KCND2: variants seen among roughly 807,000 people sequenced by gnomAD.
The protein encoded by KCND2 is A-type voltage-gated potassium channel KCND2.
KCND2 carries 16 observed loss-of-function variants against 54.4 expected under a neutral mutation model. That is an observed-to-expected ratio of 0.29 (90% CI 0.20 to 0.45). The LOEUF (loss-of-function observed/expected upper bound fraction) is 0.45. Ranked by LOEUF, KCND2 falls within the 20% of genes least tolerant of loss-of-function variation. KCND2 has a pLI of 1.00. For missense variants in KCND2, 486 were observed against 824.2 expected (o/e 0.59, Z 5.02); for synonymous variants, 317 against 310.7 (o/e 1.02, Z -0.21).
intron 1 of KCND2, among the ~76,000 whole-genome samples, chr7:120,375,881 G>A (rs943961303): frequency 2.0e-5 from 3 of 151,748 alleles, no homozygotes; most frequent in Admixed American, 6.6e-5. Flanking sequence ...AATAAGATAT[G>A]TAGGGCTTTA....
At chr7:120,312,959 C>A (rs904031612) in intron 1 of KCND2, among the ~76,000 whole-genome samples, 1 of 152,168 alleles carries the variant, frequency 6.6e-6, no homozygotes, top group Admixed American at 6.5e-5. Context: ...CTAGCTCTGA[C>A]AGCATTACCC....
intron 1 of KCND2, among the ~76,000 whole-genome samples, chr7:120,590,185 A>G (rs532628162): frequency 6.6e-6 from 1 of 151,942 alleles, no homozygotes; most frequent in South Asian, 2.1e-4. Flanking sequence ...TGCCTGCCTA[A>G]TTTTTGTATT....
At chr7:120,543,876 TAAGAACCC>T (rs1441808547) in intron 1 of KCND2, among the ~76,000 whole-genome samples, 1 of 152,038 alleles carries the variant, frequency 6.6e-6, no homozygotes, top group Admixed American at 6.6e-5. Context: ...CCATTTCTGA[TAAGAACCC>T]AAATTTTCAG....
chr7:120,543,315 A>C (rs1361031331), intron 1 of KCND2, among the ~76,000 whole-genome samples: 1 of 151,526 alleles, frequency 6.6e-6, no homozygotes, highest in Non-Finnish European at 1.5e-5. Context: ...TCCCCAGCAG[A>C]GCATGCCTGT....
chr7:120,328,530 T>C lies in KCND2; in HGVS notation c.1115+52783T>C, dbSNP rs1584732463. On this transcript the variant is annotated intron_variant, in intron 1 of 5. Transcript: ENST00000331113. The stretch of plus-strand genomic sequence containing the variant: ...CCCATGTAAGCATGCTTAAGGACTA[T>C]ACTATGAATAGATGATGATGATGTG... Among the ~76,000 whole-genome samples, 8 of 152,282 alleles carry C rather than the reference T, an allele frequency of 5.3e-5. No homozygotes were observed. The South Asian group carries it at 1.7e-3, about 32-fold the overall frequency.
chr7:120,458,851 A>G (rs985560900), intron 1 of KCND2, among the ~76,000 whole-genome samples: 31 of 150,646 alleles, frequency 2.1e-4, no homozygotes, highest in African/African-American at 7.5e-4. Flanking sequence ...AATTATTATT[A>G]TTATATTATT....
intron 1 of KCND2, among the ~76,000 whole-genome samples, chr7:120,653,025 AGTG>A (rs1791757136): frequency 1.3e-5 from 2 of 151,928 alleles, no homozygotes; most frequent in Non-Finnish European, 2.9e-5. Flanking sequence ...TCCACTAAAC[AGTG>A]GTGTGTGTGT....
intron 1 of KCND2, among the ~76,000 whole-genome samples, chr7:120,306,594 A>T (rs2116305318): frequency 6.6e-6 from 1 of 152,180 alleles, no homozygotes; most frequent in Non-Finnish European, 1.5e-5. Flanking sequence ...TATGTTTGCA[A>T]AAATATCTCT....
At chr7:120,560,406 A>C (rs151013763) in intron 1 of KCND2, among the ~76,000 whole-genome samples, 22 of 152,332 alleles carry the variant, frequency 1.4e-4, no homozygotes, top group African/African-American at 5.0e-4. Context: ...CAATGAAATA[A>C]TCAGACGGAA....
chr7:120,635,206 T>C (rs764031684), intron 1 of KCND2, among the ~76,000 whole-genome samples: 5 of 152,236 alleles, frequency 3.3e-5, no homozygotes, highest in Non-Finnish European at 7.3e-5. Flanking sequence ...TTGTGGTTCC[T>C]GATATGTAGC....
At chr7:120,683,364 A>G (rs1378079261) in intron 1 of KCND2, among the ~76,000 whole-genome samples, 1 of 152,168 alleles carries the variant, frequency 6.6e-6, no homozygotes, top group African/African-American at 2.4e-5. Flanking sequence ...TGAGTATCCT[A>G]GAGACCCTGT....
intron 1 of KCND2, among the ~76,000 whole-genome samples, chr7:120,345,154 A>T (rs1423982306): frequency 6.6e-6 from 1 of 152,196 alleles, no homozygotes; most frequent in African/African-American, 2.4e-5. Flanking sequence ...TTATGCAGAC[A>T]TTCATAGAGA....
intron 1 of KCND2, among the ~76,000 whole-genome samples, chr7:120,340,678 A>G (rs1288007609): frequency 6.6e-6 from 1 of 152,192 alleles, no homozygotes; most frequent in African/African-American, 2.4e-5. Flanking sequence ...TGATTTGGCA[A>G]TCCAGAGTTC....
chr7:120,286,068 G>A (rs1016197504), intron 1 of KCND2, among the ~76,000 whole-genome samples: 4 of 151,496 alleles, frequency 2.6e-5, no homozygotes, highest in African/African-American at 9.7e-5. Flanking sequence ...GCAAATGTTG[G>A]CAATATATTC....
intron 1 of KCND2, among the ~76,000 whole-genome samples, chr7:120,462,678 T>A (rs1802300543): frequency 6.6e-6 from 1 of 152,008 alleles, no homozygotes; most frequent in African/African-American, 2.4e-5. Context: ...TTTACCTTGT[T>A]ACCTTATCCT....
At chr7:120,697,094 C>T (rs7799672) in intron 1 of KCND2, among the ~76,000 whole-genome samples, 67 of 152,202 alleles carry the variant, frequency 4.4e-4, no homozygotes, top group African/African-American at 1.5e-3. Flanking sequence ...AGGAAGAGAA[C>T]ATGTTGAGGG....
rs571722065 is a variant in KCND2, at chr7:120,608,447, A to G, written c.1116-124456A>G. Among the ~76,000 whole-genome samples the G allele has an allele frequency of 8.5e-5, 13 of 152,206 alleles. 1 individual carries two copies. The South Asian group carries it at 1.9e-3, about 22-fold the overall frequency. ...ATGTAATGGTATTGCCACATTTTCT[A>G]TTTACACTGTCCTTGGTTATGGCAC... On this transcript the variant is annotated intron_variant, in intron 1 of 5. Transcript: ENST00000331113.
At chr7:120,333,706 G>C (rs1406101110) in intron 1 of KCND2, among the ~76,000 whole-genome samples, 1 of 151,768 alleles carries the variant, frequency 6.6e-6, no homozygotes, top group Non-Finnish European at 1.5e-5. Context: ...CTATTATTTT[G>C]ATCAAAACAG....
At chr7:120,678,777 T>TATACAC (rs1335291654) in intron 1 of KCND2, among the ~76,000 whole-genome samples, 17 of 122,580 alleles carry the variant, frequency 1.4e-4, no homozygotes, top group African/African-American at 4.0e-4. Context: ...TATATATATA[T>TATACAC]ACACATAAAC....
Sources: gnomAD v4.1 joint callset for allele counts (sites outside exome capture counted in the v4.1 genomes callset) on GRCh38, gnomAD v4.1.1 for gene constraint, MANE v1.5 for transcripts, NCBI Gene and HGNC (gene_info 2026-07-23, HGNC 2026-07-21) for gene names.